Variants in STARD13 observed in about 807,000 individuals in gnomAD.
The protein encoded by STARD13 is StAR related lipid transfer domain containing 13, also known as stAR-related lipid transfer protein 13.
Under a neutral mutation model 106.4 loss-of-function variants are expected in STARD13, and 62 were observed. The ratio of observed to expected loss-of-function variants is 0.58; its 90% CI spans 0.48 to 0.72. The LOEUF (loss-of-function observed/expected upper bound fraction) is 0.72. STARD13 is among the 30% of genes least tolerant of loss of function. STARD13 has a pLI of 0.00. For synonymous variants in STARD13, 565 were observed against 553.0 expected, an observed-to-expected ratio of 1.02 and a Z score of -0.31; for missense variants, 1,387 against 1,424.0, an observed-to-expected ratio of 0.97 and a Z score of 0.42.
chr13:33,394,815 G>A, the STARD13 span, among the ~76,000 whole-genome samples: 2 of 152,228 alleles, frequency 1.3e-5, no homozygotes, highest in African/African-American at 4.8e-5. Context: ...AGCAGGCAGA[G>A]TTATTCAGAG....
the STARD13 span, among the ~76,000 whole-genome samples, chr13:33,399,797 A>C: frequency 3.9e-5 from 6 of 152,006 alleles, no homozygotes; most frequent in African/African-American, 1.2e-4. Context: ...ATTAATATAA[A>C]ATTTTAGAAT....
the STARD13 span, among the ~76,000 whole-genome samples, chr13:33,361,056 C>T: frequency 3.3e-5 from 5 of 150,100 alleles, no homozygotes; most frequent in Admixed American, 6.7e-5. Context: ...CCGCCTGCCT[C>T]GGCCTCCCAA....
chr13:33,625,357 G>A, the STARD13 span, among the ~76,000 whole-genome samples: 2 of 152,092 alleles, frequency 1.3e-5, no homozygotes, highest in African/African-American at 4.8e-5. Context: ...AGGTCATGAG[G>A]TCAAGAGATT....
chr13:33,633,186 C>T, the STARD13 span, among the ~76,000 whole-genome samples: 1 of 152,210 alleles, frequency 6.6e-6, no homozygotes, highest in Non-Finnish European at 1.5e-5. Context: ...AAAGCCCTCA[C>T]CTTCTAAATT....
chr13:33,645,335 A>G, the STARD13 span, among the ~76,000 whole-genome samples: 4 of 152,220 alleles, frequency 2.6e-5, no homozygotes, highest in Non-Finnish European at 5.9e-5. Flanking sequence ...AACTGTCATC[A>G]GTGAGGCCAT....
the STARD13 span, among the ~76,000 whole-genome samples, chr13:33,636,653 G>A: frequency 5.0e-3 from 768 of 152,310 alleles, 3 homozygotes; most frequent in Non-Finnish European, 8.7e-3. Context: ...AGAAGAATAG[G>A]AGATAATTGC....
At chr13:33,528,903 T>C in the STARD13 span, among the ~76,000 whole-genome samples, 1 of 152,302 alleles carries the variant, frequency 6.6e-6, no homozygotes, top group African/African-American at 2.4e-5. Flanking sequence ...CAAAATTTCA[T>C]GTAAAGAGGG....
the STARD13 span, among the ~76,000 whole-genome samples, chr13:33,357,967 G>A: frequency 4.6e-5 from 7 of 152,366 alleles, 1 homozygote; most frequent in South Asian, 8.3e-4. Context: ...TCAGCTTGCA[G>A]GGAGGTGTGG....
intron 1 of STARD13, among the ~76,000 whole-genome samples, chr13:33,193,550 A>G (rs141260512): frequency 1.7e-4 from 26 of 152,314 alleles, no homozygotes; most frequent in Non-Finnish European, 3.4e-4. Flanking sequence ...GGAGATGAGC[A>G]ACTAGAAGCT....
chr13:33,622,363 G>A, the STARD13 span, among the ~76,000 whole-genome samples: 1 of 151,980 alleles, frequency 6.6e-6, no homozygotes. Context: ...TTGACCAAAT[G>A]GGCCAGGCTC....
chr13:33,592,216 C>G, the STARD13 span, among the ~76,000 whole-genome samples: 2 of 152,280 alleles, frequency 1.3e-5, no homozygotes, highest in East Asian at 1.9e-4. Context: ...TTTTCAAATT[C>G]TGCCTTAAAA....
chr13:33,414,342 A>G, the STARD13 span, among the ~76,000 whole-genome samples: 1 of 152,178 alleles, frequency 6.6e-6, no homozygotes, highest in East Asian at 1.9e-4. Context: ...AAACCTCTAC[A>G]TGAATATTTT....
At chr13:33,332,652 C>G (rs2077849833) in intron 1 of STARD13, among the ~76,000 whole-genome samples, 1 of 152,320 alleles carries the variant, frequency 6.6e-6, no homozygotes, top group Middle Eastern at 3.4e-3. Flanking sequence ...CTATGATATT[C>G]TGTCAGAGCA....
the STARD13 span, among the ~76,000 whole-genome samples, chr13:33,588,847 C>T: frequency 1.3e-5 from 2 of 152,270 alleles, no homozygotes; most frequent in East Asian, 3.9e-4. Flanking sequence ...ACTTATTCGC[C>T]CCCTCACTTA....
At chr13:33,220,887 G>A (rs913115280) in intron 1 of STARD13, among the ~76,000 whole-genome samples, 5 of 152,204 alleles carry the variant, frequency 3.3e-5, no homozygotes, top group South Asian at 2.1e-4. Context: ...AATGAATGGA[G>A]GGATACAAAG....
chr13:33,626,465 C>T, the STARD13 span, among the ~76,000 whole-genome samples: 9 of 152,170 alleles, frequency 5.9e-5, no homozygotes, highest in African/African-American at 1.9e-4. Flanking sequence ...GAAATCTTCA[C>T]CTACCTTATT....
At chr13:33,247,289 C>T (rs1889874198) in intron 1 of STARD13, among the ~76,000 whole-genome samples, 1 of 152,030 alleles carries the variant, frequency 6.6e-6, no homozygotes, top group Non-Finnish European at 1.5e-5. Flanking sequence ...CTTGGTTTGT[C>T]TGGAGCCAAG....
the STARD13 span, among the ~76,000 whole-genome samples, chr13:33,467,074 A>G: frequency 6.6e-6 from 1 of 152,108 alleles, no homozygotes; most frequent in Non-Finnish European, 1.5e-5. Context: ...GGAGGATTCA[A>G]AAACATTACA....
At chr13:33,240,255 A>T (rs1038251261) in intron 1 of STARD13, among the ~76,000 whole-genome samples, 1 of 152,132 alleles carries the variant, frequency 6.6e-6, no homozygotes, top group East Asian at 1.9e-4. Context: ...GTCTGTCTTC[A>T]TGCCGGTAAC....
Sources: gnomAD v4.1 joint callset for allele counts (sites outside exome capture counted in the v4.1 genomes callset) on GRCh38, gnomAD v4.1.1 for gene constraint, MANE v1.5 for transcripts, NCBI Gene and HGNC (gene_info 2026-07-23, HGNC 2026-07-21) for gene names.